Variants in CREB3 observed in about 807,000 individuals in gnomAD.
The protein encoded by CREB3 is cAMP responsive element binding protein 3.
CREB3 carries 29 observed loss-of-function variants against 34.5 expected under a neutral mutation model. The ratio of observed to expected loss-of-function variants is 0.84; its 90% CI spans 0.63 to 1.15. The LOEUF is 1.15. Among genes scored for constraint, CREB3 ranks in the 50% most tolerant of loss-of-function variants. The pLI, the probability that CREB3 is intolerant of heterozygous loss-of-function variation, is 0.00. For synonymous variants in CREB3, 187 were observed against 173.9 expected (o/e 1.08, Z -0.59); for missense variants, 447 against 443.4 (o/e 1.01, Z -0.07).
At chr9:35,733,356 C>T (rs758707009) in intron 3 of CREB3, 40 bp from the exon 4 acceptor site, 2 of 1,608,630 alleles carry the variant, frequency 1.2e-6, no homozygotes, top group East Asian at 2.2e-5. Context: ...TCCTCTCTGA[C>T]ATCCCCATGC....
rs774627818 is a variant in CREB3 at position 35,733,076 on chromosome 9, C to G, written c.210C>G (p.Ser70=). The change falls in exon 2 of 9, where the codon TCC becomes TCG. Residue 70 remains serine (S), a synonymous_variant. Transcript: ENST00000353704. The part of the protein sequence containing the change: ...PPASLNILSS[S]NPCLVHHDHT... ...CGTCGTTGAACATTCTCAGCTCCTC[C>G]AACCCCTGCCTTGTCCACCATGACC... 6.2e-7 allele frequency: 1 copy of G among 1,614,210 alleles called. No individual in the cohort carries two copies. The highest frequency in any genetic ancestry group is 2.2e-5 in the East Asian group (1 of 44,888).
At chr9:35,735,257 T>C in intron 5 of CREB3, 42 bp downstream of exon 5, 1 of 1,612,816 alleles carries the variant, frequency 6.2e-7, no homozygotes. Flanking sequence ...ATTAGGTTTT[T>C]GAAGGGAGGA....
chr9:35,733,364 T>C, intron 3 of CREB3, 32 bp from the exon 4 acceptor site: 1 of 1,609,898 alleles, frequency 6.2e-7, no homozygotes, highest in Non-Finnish European at 8.5e-7. Flanking sequence ...GACATCCCCA[T>C]GCAACTGCCG....
In CREB3 at chr9:35,732,923, G is replaced by C; in HGVS notation, c.129+22G>C. 6.2e-7 allele frequency: 1 copy of C among 1,613,086 alleles called. No individual in the cohort carries two copies. The highest frequency in any genetic ancestry group is 8.5e-7 in the Non-Finnish European group (1 of 1,179,334). On this transcript the variant is annotated intron_variant, in intron 1 of 8. Transcript: ENST00000353704. This position sits in a 1 kb window ranked among gnomAD's most constrained non-coding sequence, Gnocchi z 5.1. Reference sequence around the variant, plus strand: ...TGAGGTAGGTTGGGGTTCTGACTGGGGAAAGCGTGGGATGTCCATGAAGTC... The same window carrying C: ...TGAGGTAGGTTGGGGTTCTGACTGGCGAAAGCGTGGGATGTCCATGAAGTC...
intron 6 of CREB3, 116 bp from the exon 7 acceptor site, chr9:35,735,932 A>G: frequency 1.3e-6 from 1 of 760,458 alleles, no homozygotes; most frequent in Non-Finnish European, 2.2e-6. Flanking sequence ...AATAGAATGA[A>G]AAGTAAGAGA....
Position 35,735,312 on chromosome 9 carries a change from G to C in CREB3, c.549G>C (p.Leu183Phe), listed in dbSNP as rs993529077. 4.3e-6 allele frequency: 7 copies of C among 1,614,128 alleles called. No individual in the cohort carries two copies. The highest frequency in any genetic ancestry group is 5.9e-6 in the Non-Finnish European group (7 of 1,179,992). ...TCTTTGTTATTTCCCCCAGGGTCTT[G>C]AAATACACAGCCCAGAATATGGAGC... ...VYVGGLESRV[L>F]KYTAQNMELQ... Residue 183 changes from leucine to phenylalanine, a missense_variant, in exon 6 of 9, where the codon TTG (leucine) becomes TTC (phenylalanine). Physicochemically the swap from Leu to Phe is conservative, Grantham distance 22 (BLOSUM62 0). Coordinates refer to ENST00000353704, the MANE Select transcript of CREB3 (RefSeq NM_006368.5).
rs748344685 is a variant in CREB3 at position 35,733,134 on chromosome 9, A to C, written c.268A>C (p.Met90Leu). 1.7e-5 allele frequency: 28 copies of C among 1,614,024 alleles called. No individual in the cohort carries two copies. The highest frequency in any genetic ancestry group is 2.7e-5 in the African/African-American group (2 of 74,910). The change falls in exon 2 of 9, where the codon ATG becomes CTG. Residue 90 changes from methionine (M) to leucine (L), a missense_variant. By Grantham distance (15) the Met-to-Leu change is conservative. Transcript: ENST00000353704. ...TYSLPRETVS[M>L]DLESESCRKE... ...CTCCCTCCCACGGGAAACTGTCTCT[A>C]TGGATCTAGGTGAGTCTGAAATAAG...
chr9:35,734,992 T>G, intron 4 of CREB3, 117 bp from the exon 5 acceptor site: 1 of 782,764 alleles, frequency 1.3e-6, no homozygotes. Context: ...TGAATGCCTG[T>G]TGGTCAGGGA....
At chr9:35,733,182 TG>T in intron 2 of CREB3, 32 bp from the exon 3 acceptor site, 2 of 1,614,194 alleles carry the variant, frequency 1.2e-6, no homozygotes, top group Non-Finnish European at 8.5e-7. Flanking sequence ...ACAGGGTTCA[TG>T]GGCCTGGCTA....
At position 35,736,489 on chromosome 9, in the gene CREB3, G is replaced by C. The variant is rs149190986; in HGVS notation, c.879G>C (p.Gln293His). ...QSEVPKDSTHQWLDGSDCVLQ... is the reference protein window; with the variant it reads ...QSEVPKDSTHHWLDGSDCVLQ... ...AAGTGCCGAAAGACAGCACACACCA[G>C]TGGTTGGACGGCTCAGACTGTGTAC... The change falls in exon 9 of 9, where the codon CAG becomes CAC. Residue 293 changes from glutamine to histidine, a missense_variant. By Grantham distance (24) the Gln-to-His change is conservative. Coordinates refer to ENST00000353704, the MANE Select transcript of CREB3 (RefSeq NM_006368.5). 1.6e-4 allele frequency: 265 copies of C among 1,614,212 alleles called. 2 individuals carry two copies. The African/African-American group carries it at 3.2e-3, about 19-fold the overall frequency.
intron 4 of CREB3, among the ~76,000 whole-genome samples, chr9:35,733,988 T>TA (rs1430233250): frequency 6.6e-6 from 1 of 152,130 alleles, no homozygotes; most frequent in African/African-American, 2.4e-5. Context: ...TATATATATA[T>TA]TTTTTGACAA....
chr9:35,736,964 G>T lies in CREB3; in HGVS notation c.*238G>T. 2 of 844,270 alleles carry T rather than the reference G, an allele frequency of 2.4e-6. No individual in the cohort carries two copies. Among genetic ancestry groups the T allele is most frequent in the East Asian group, 2.7e-5 (1 of 37,484 alleles). The allele number at this position is 844,270 out of a possible 1,614,324, so 52.3% of individuals were successfully genotyped here. A position where few individuals can be genotyped will look rare whatever the true frequency, so the allele number is the denominator to read the frequency against. Reference sequence around the variant, plus strand: ...TCCCTGAACATTTCACGCAGTCAGGGAACAGGTGAGGAAAGAAATAAATAA... The same window carrying T: ...TCCCTGAACATTTCACGCAGTCAGGTAACAGGTGAGGAAAGAAATAAATAA... On this transcript the variant is annotated 3_prime_UTR_variant, in exon 9 of 9. Transcript: ENST00000353704.
chr9:35,733,460 T>C lies in CREB3; in HGVS notation c.410T>C (p.Leu137Pro). Residue 137 changes from leucine (L) to proline (P), a missense_variant, in exon 4 of 9, where the codon CTG becomes CCG. Transcript: ENST00000353704. The stretch of plus-strand genomic sequence containing the variant: ...CTATTGGAGAAGGAGGGGCTTATTC[T>C]GCCTGAGACACTTCCTCTCACTAAG... ...KSLLEKEGLI[L>P]PETLPLTKTE... 1 of 1,613,306 alleles carries C rather than the reference T, an allele frequency of 6.2e-7. No individual in the cohort carries two copies. Among genetic ancestry groups the C allele is most frequent in the Non-Finnish European group, 8.5e-7 (1 of 1,179,202 alleles).
In CREB3 at chr9:35,732,769, C is replaced by A. The variant is rs1270357752; in HGVS notation, c.-4C>A. 6.2e-7 allele frequency: 1 copy of A among 1,607,584 alleles called. No homozygotes were observed. Among genetic ancestry groups the A allele is most frequent in the African/African-American group, 1.3e-5 (1 of 74,722 alleles). On this transcript the variant is annotated 5_prime_UTR_variant, in exon 1 of 9. Coordinates refer to ENST00000353704, the MANE Select transcript of CREB3 (RefSeq NM_006368.5). The surrounding 1 kb of genome is among the most constrained non-coding windows in gnomAD (Gnocchi z 5.1). ...GTGGCCCACCCTTTCCGTAGTTGTC[C>A]CAAATGGAGCTGGAATTGGATGCTG...
Position 35,736,230 on chromosome 9 carries a change from C to A in CREB3, c.700C>A (p.Leu234Ile), listed in dbSNP as rs778094112. ...TCTCCTTTTTCCTGTGCTCTAGGTC[C>A]TACTAGTCTCCTTCTGCCTCCTCCT... ...TSSSSTCILVLLVSFCLLLVP... is the reference protein window; with the variant it reads ...TSSSSTCILVILVSFCLLLVP... The change falls in exon 8 of 9, where the codon CTA (leucine) becomes ATA (isoleucine). Residue 234 changes from leucine to isoleucine, a missense_variant. Coordinates refer to ENST00000353704, the MANE Select transcript of CREB3 (RefSeq NM_006368.5). The A allele has an allele frequency of 4.3e-6, 7 of 1,614,012 alleles. No homozygotes were observed. The African/African-American group carries it at 9.3e-5, about 22-fold the overall frequency.
chr9:35,733,501 G>T lies in CREB3; in HGVS notation c.435+16G>T, dbSNP rs1826134355. Reference sequence around the variant, plus strand: ...TCTCACTAAGGTAAGACTCTCATTGGTTGAACAAAGGCTGAAAAGGGATTA... The same window carrying T: ...TCTCACTAAGGTAAGACTCTCATTGTTTGAACAAAGGCTGAAAAGGGATTA... On this transcript the variant is annotated intron_variant, in intron 4 of 8. Coordinates refer to ENST00000353704, the MANE Select transcript of CREB3 (RefSeq NM_006368.5). The T allele has an allele frequency of 6.3e-7, 1 of 1,583,982 alleles. No individual in the cohort carries two copies. The highest frequency in any genetic ancestry group is 1.3e-5 in the African/African-American group (1 of 74,372).
At chr9:35,735,990 C>A in intron 6 of CREB3, 58 bp from the exon 7 acceptor site, 1 of 1,339,214 alleles carries the variant, frequency 7.5e-7, no homozygotes, top group Non-Finnish European at 1.1e-6. Context: ...AGGAGTTTCA[C>A]TGTGTCTCAG....
rs1236109281 is a variant in CREB3, at chr9:35,732,877, G to A, written c.105G>A (p.Leu35=). Residue 35 remains leucine (L), a synonymous_variant, in exon 1 of 9, where the codon CTG becomes CTA. Coordinates refer to ENST00000353704, the MANE Select transcript of CREB3 (RefSeq NM_006368.5). This position sits in a 1 kb window ranked among gnomAD's most constrained non-coding sequence, Gnocchi z 5.1. ...TAPDEAVRAP[L]DWALPLSEVP... is the part of the protein sequence containing the mutation. ...CCGATGAGGCCGTGAGGGCCCCACT[G>A]GACTGGGCGCTGCCGCTTTCTGAGG... 1 of 1,614,096 alleles carries A rather than the reference G, an allele frequency of 6.2e-7. No individual in the cohort carries two copies. Among genetic ancestry groups the A allele is most frequent in the Non-Finnish European group, 8.5e-7 (1 of 1,179,978 alleles).
At chr9:35,736,332 T>C in intron 8 of CREB3, 21 bp downstream of exon 8, 2 of 1,613,790 alleles carry the variant, frequency 1.2e-6, no homozygotes, top group Non-Finnish European at 1.7e-6. Flanking sequence ...TAAGGATAGC[T>C]CTCAGACAGG....
Sources: gnomAD v4.1 joint callset for allele counts (sites outside exome capture counted in the v4.1 genomes callset) on GRCh38, gnomAD v4.1.1 for gene constraint, Gnocchi (gnomAD v3.1) non-coding constraint, MANE v1.5 for transcripts, NCBI Gene and HGNC (gene_info 2026-07-23, HGNC 2026-07-21) for gene names.